Variants in PMS1 observed in about 807,000 individuals in gnomAD.
The protein encoded by PMS1 is PMS1 protein homolog 1.
PMS1 carries 79 observed loss-of-function variants against 93.1 expected under a neutral mutation model. The ratio of observed to expected loss-of-function variants is 0.85; its 90% CI spans 0.71 to 1.02. The LOEUF (loss-of-function observed/expected upper bound fraction) is 1.02. PMS1 is among the 50% of genes least tolerant of loss of function. The pLI is 0.00. For synonymous variants in PMS1, 335 were observed against 363.4 expected, an observed-to-expected ratio of 0.92 and a Z score of 0.89; for missense variants, 1,064 against 1,085.3, an observed-to-expected ratio of 0.98 and a Z score of 0.28.
chr2:189,788,932 T>G (rs1439721947), intron 1 of PMS1, among the ~76,000 whole-genome samples: 1 of 152,176 alleles, frequency 6.6e-6, no homozygotes, highest in Non-Finnish European at 1.5e-5. Flanking sequence ...GCCTTTTGCT[T>G]GTGACAGCAC....
chr2:189,821,355 T>C (rs1191165459), intron 5 of PMS1, among the ~76,000 whole-genome samples: 1 of 150,692 alleles, frequency 6.6e-6, no homozygotes, highest in African/African-American at 2.5e-5. Context: ...CTCAGGAGGC[T>C]GAGGCAGGAG....
Position 189,818,165 on chromosome 2 carries a change from C to T in PMS1, c.567C>T (p.Val189=), listed in dbSNP as rs1488831241. Residue 189 remains valine (V), a synonymous_variant, in exon 5 of 13, where the codon GTC becomes GTT. Transcript: ENST00000441310. ...FGILKPDLRI[V]FVHNKAVIWQ... ...TCCTTAAACCTGACTTAAGGATTGT[C>T]TTTGTACATAACAAGGTAAACATTA... is the stretch of plus-strand genomic sequence containing the variant. The T allele has an allele frequency of 1.9e-6, 3 of 1,593,820 alleles. No homozygotes were observed. Among genetic ancestry groups the T allele is most frequent in the Non-Finnish European group, 2.6e-6 (3 of 1,162,464 alleles).
chr2:189,825,026 AT>A (rs1289504488), intron 5 of PMS1, among the ~76,000 whole-genome samples: 3 of 151,190 alleles, frequency 2.0e-5, no homozygotes, highest in Admixed American at 6.6e-5. Context: ...TGTTGTCTTT[AT>A]TTTTTTTCTG....
In PMS1 at chr2:189,854,907, A is replaced by T. The variant is rs936437078; in HGVS notation, c.1635A>T (p.Ser545=). ...IPEQMNLNED[S]CNKKSNVIDN... ...AACAAATGAATCTTAATGAAGATTC[A>T]TGTAACAAAAAATCAAATGTAATAG... is the stretch of plus-strand genomic sequence containing the variant. The change falls in exon 9 of 13, where the codon TCA becomes TCT. Residue 545 remains serine, a synonymous_variant. Transcript: ENST00000441310. The T allele has an allele frequency of 6.2e-7, 1 of 1,603,904 alleles. No homozygotes were observed. Among genetic ancestry groups the T allele is most frequent in the Admixed American group, 1.7e-5 (1 of 59,694 alleles).
intron 2 of PMS1, among the ~76,000 whole-genome samples, chr2:189,793,154 A>G (rs1329600464): frequency 6.6e-6 from 1 of 152,100 alleles, no homozygotes; most frequent in Non-Finnish European, 1.5e-5. Context: ...AAGTTTCCCA[A>G]AGTCTCATAA....
intron 8 of PMS1, 21 bp from the exon 9 acceptor site, chr2:189,854,218 T>C (rs771600291): frequency 1.3e-5 from 20 of 1,551,682 alleles, no homozygotes; most frequent in Non-Finnish European, 1.8e-5. Context: ...TCCCCTAACA[T>C]TTGTTAATTT....
intron 4 of PMS1, among the ~76,000 whole-genome samples, chr2:189,808,491 C>T (rs746414258): frequency 6.6e-6 from 1 of 151,726 alleles, no homozygotes; most frequent in Non-Finnish European, 1.5e-5. Flanking sequence ...CCACACCTGG[C>T]GAATTTTTGT....
intron 8 of PMS1, 27 bp downstream of exon 8, chr2:189,854,109 T>C (rs759501800): frequency 4.1e-5 from 62 of 1,512,534 alleles, no homozygotes; most frequent in Non-Finnish European, 5.4e-5. Flanking sequence ...AATTTTTTCT[T>C]ATGCTATTTA....
At chr2:189,832,057 A>G (rs2052993536) in intron 5 of PMS1, among the ~76,000 whole-genome samples, 1 of 152,098 alleles carries the variant, frequency 6.6e-6, no homozygotes, top group South Asian at 2.1e-4. Context: ...AAGTAGAATA[A>G]AGAACCATAT....
chr2:189,873,479 TA>T lies in PMS1; in HGVS notation c.2474-16del, dbSNP rs752921153. Reference sequence around the variant, plus strand: ...GAATATGAACTTAACTATGTGTTTTTATTTTTTTTCTTTCAGGAGTTTCAAT... The same window carrying T: ...GAATATGAACTTAACTATGTGTTTTTTTTTTTTTCTTTCAGGAGTTTCAAT... On this transcript the variant is annotated splice_polypyrimidine_tract_variant and intron_variant, in intron 11 of 12. Coordinates refer to ENST00000441310, the MANE Select transcript of PMS1 (RefSeq NM_000534.5). 5 of 1,550,344 alleles carry T rather than the reference TA, an allele frequency of 3.2e-6. No individual in the cohort carries two copies. In the African/African-American group the frequency reaches 6.8e-5, roughly 21 times the overall value.
intron 11 of PMS1, among the ~76,000 whole-genome samples, chr2:189,872,561 T>G (rs1205110113): frequency 2.6e-5 from 4 of 152,336 alleles, no homozygotes; most frequent in Non-Finnish European, 5.9e-5. Flanking sequence ...TCTGATGCTT[T>G]GAAATATGTG....
intron 6 of PMS1, among the ~76,000 whole-genome samples, chr2:189,850,066 AATGTTTTGCAGT>A (rs2054577278): frequency 1.3e-5 from 2 of 152,014 alleles, no homozygotes; most frequent in African/African-American, 4.8e-5. Context: ...CTCCCTGTTA[AATGTTTTGCAGT>A]CATAACATCT....
At chr2:189,848,425 A>G (rs1184459203) in intron 6 of PMS1, among the ~76,000 whole-genome samples, 4 of 152,232 alleles carry the variant, frequency 2.6e-5, no homozygotes, top group Admixed American at 2.0e-4. Context: ...TTGGTCAGCT[A>G]TGATTTCATG....
At chr2:189,860,125 G>T (rs762812635) in intron 9 of PMS1, among the ~76,000 whole-genome samples, 1 of 152,066 alleles carries the variant, frequency 6.6e-6, no homozygotes, top group Non-Finnish European at 1.5e-5. Flanking sequence ...GATGTTAATG[G>T]TGTAATTTGA....
At chr2:189,858,608 G>A (rs1314970740) in intron 9 of PMS1, among the ~76,000 whole-genome samples, 1 of 152,026 alleles carries the variant, frequency 6.6e-6, no homozygotes, top group Non-Finnish European at 1.5e-5. Context: ...TACAAATGGG[G>A]ACCTTTGTTT....
At chr2:189,787,512 A>G (rs1377345142) in intron 1 of PMS1, among the ~76,000 whole-genome samples, 1 of 152,242 alleles carries the variant, frequency 6.6e-6, no homozygotes, top group Non-Finnish European at 1.5e-5. Flanking sequence ...CTTTACAGTT[A>G]TCTTACATTG....
At chr2:189,857,421 T>TA (rs2055446742) in intron 9 of PMS1, 2 of 459,914 alleles carry the variant, frequency 4.3e-6, no homozygotes, top group Non-Finnish European at 9.0e-6. Context: ...GCAAAAATGA[T>TA]ACAACACCCA....
intron 5 of PMS1, among the ~76,000 whole-genome samples, chr2:189,840,515 ATACT>A (rs1183514102): frequency 6.6e-6 from 1 of 152,262 alleles, no homozygotes; most frequent in East Asian, 1.9e-4. Context: ...TTAATTTAAC[ATACT>A]TTATGTCTTT....
chr2:189,837,127 C>T (rs1195167835), intron 5 of PMS1, among the ~76,000 whole-genome samples: 1 of 150,720 alleles, frequency 6.6e-6, no homozygotes, highest in Non-Finnish European at 1.5e-5. Flanking sequence ...AGTTAGCATT[C>T]CTTTAAAGAG....
Sources: gnomAD v4.1 joint callset for allele counts (sites outside exome capture counted in the v4.1 genomes callset) on GRCh38, gnomAD v4.1.1 for gene constraint, MANE v1.5 for transcripts, NCBI Gene and HGNC (gene_info 2026-07-23, HGNC 2026-07-21) for gene names.